Variants in RAB43 observed in about 807,000 individuals in gnomAD.
The protein encoded by RAB43 is ras-related protein Rab-43.
Under a neutral mutation model 18.8 loss-of-function variants are expected in RAB43, and 6 were observed. The ratio of observed to expected loss-of-function variants is 0.32; its 90% CI spans 0.17 to 0.63. The LOEUF is 0.63. Among genes scored for constraint, RAB43 ranks in the 30% least tolerant of loss-of-function variants. The probability of loss-of-function intolerance (pLI) is 0.79; values close to 1 mark genes in which losing one functional copy is unlikely to be tolerated. For missense variants in RAB43, 195 were observed against 289.1 expected (o/e 0.67, Z 2.36); for synonymous variants, 103 against 124.1 (o/e 0.83, Z 1.13).
intron 2 of RAB43, among the ~76,000 whole-genome samples, chr3:129,094,505 CTTTTTTTTTTTTTTTTTT>C (rs200896936): frequency 1.4e-5 from 1 of 69,102 alleles, no homozygotes; most frequent in African/African-American, 5.5e-5. Flanking sequence ...ATATAACTTT[CTTTTTTTTTTTTTTTTTT>C]TTTTTTTTTT....
chr3:129,105,234 C>T (rs1384208356), intron 1 of RAB43, among the ~76,000 whole-genome samples: 1 of 152,200 alleles, frequency 6.6e-6, no homozygotes, highest in African/African-American at 2.4e-5. Flanking sequence ...GGGCAGATTA[C>T]CTCAGGCCAG....
intron 1 of RAB43, among the ~76,000 whole-genome samples, chr3:129,098,986 T>A (rs1242205186): frequency 6.6e-6 from 1 of 151,888 alleles, no homozygotes; most frequent in Non-Finnish European, 1.5e-5. Context: ...GGCATGAGAA[T>A]CCCTTGAACC....
chr3:129,094,878 T>C (rs1933933777), intron 2 of RAB43, 108 bp downstream of exon 2: 1 of 1,431,296 alleles, frequency 7.0e-7, no homozygotes. Context: ...GCTCAAACTC[T>C]GGCTGGGACT....
intron 1 of RAB43, among the ~76,000 whole-genome samples, chr3:129,096,308 G>A (rs1166044516): frequency 6.6e-6 from 1 of 152,252 alleles, no homozygotes; most frequent in Non-Finnish European, 1.5e-5. Flanking sequence ...ACAGAAGTCT[G>A]AGAGTGAAAG....
Position 129,107,388 on chromosome 3 carries a change from A to G in RAB43, c.205-12219T>C, listed in dbSNP as rs1429675801. ...GCCTCTGGCCAACAAGTCCTGCCTC[A>G]TCTGCTTGCCAAGTGCCACCTCTTC... On this transcript the variant is annotated intron_variant, in intron 1 of 2. Transcript: ENST00000315150. This position sits in a 1 kb window ranked among gnomAD's most constrained non-coding sequence, Gnocchi z 4.2. Among the ~76,000 whole-genome samples, 1 of 151,972 alleles carries G rather than the reference A, an allele frequency of 6.6e-6. No homozygotes were observed. The highest frequency in any genetic ancestry group is 1.5e-5 in the Non-Finnish European group (1 of 67,988).
intron 1 of RAB43, among the ~76,000 whole-genome samples, chr3:129,120,169 C>T (rs577716848): frequency 6.6e-6 from 1 of 152,324 alleles, no homozygotes; most frequent in Non-Finnish European, 1.5e-5. Flanking sequence ...CACATAAAGA[C>T]TGTTGACTTA....
chr3:129,094,208 G>C (rs528674300), intron 2 of RAB43, among the ~76,000 whole-genome samples: 13 of 152,334 alleles, frequency 8.5e-5, no homozygotes, highest in African/African-American at 2.6e-4. Flanking sequence ...ACTTGAAGAA[G>C]ACTTCTGTGG....
At chr3:129,092,827 G>A (rs1933762225) in intron 2 of RAB43, among the ~76,000 whole-genome samples, 1 of 151,390 alleles carries the variant, frequency 6.6e-6, no homozygotes, top group African/African-American at 2.4e-5. Flanking sequence ...ATGGTGGCGG[G>A]CGCCTGTGGT....
chr3:129,099,572 G>A (rs1422572605), intron 1 of RAB43, among the ~76,000 whole-genome samples: 1 of 152,102 alleles, frequency 6.6e-6, no homozygotes, highest in East Asian at 1.9e-4. Context: ...TTTTGGTAGA[G>A]ACAGGGTTTC....
At chr3:129,117,226 CTTTAT>C in intron 1 of RAB43, among the ~76,000 whole-genome samples, 1 of 152,184 alleles carries the variant, frequency 6.6e-6, no homozygotes, top group East Asian at 1.9e-4. Flanking sequence ...GTCATGGAAA[CTTTAT>C]TTTAAGCATG....
At chr3:129,096,266 G>C (rs1363864912) in intron 1 of RAB43, among the ~76,000 whole-genome samples, 3 of 152,282 alleles carry the variant, frequency 2.0e-5, no homozygotes, top group African/African-American at 7.2e-5. Context: ...CCCTGGCACT[G>C]TGGAGGTGAC....
chr3:129,105,119 G>C (rs1031506985), intron 1 of RAB43, among the ~76,000 whole-genome samples: 1 of 152,146 alleles, frequency 6.6e-6, no homozygotes, highest in African/African-American at 2.4e-5. Context: ...CTGGCTATCA[G>C]AAAAGGATAT....
intron 1 of RAB43, among the ~76,000 whole-genome samples, chr3:129,110,462 A>C (rs544615996): frequency 2.0e-5 from 3 of 152,230 alleles, no homozygotes; most frequent in Non-Finnish European, 4.4e-5. Flanking sequence ...AGCAAACAGT[A>C]ACAAACAAGT....
rs1190316887 is a variant in RAB43, at chr3:129,107,291, C to T, written c.205-12122G>A. On this transcript the variant is annotated intron_variant, in intron 1 of 2. Coordinates refer to ENST00000315150, the MANE Select transcript of RAB43 (RefSeq NM_198490.3). The surrounding 1 kb of genome is among the most constrained non-coding windows in gnomAD (Gnocchi z 4.2). ...CCAAGAAATCTCACTGCCACTGGCA[C>T]CTCCTGCAGGAATCAAACCCGTTCC... Among the ~76,000 whole-genome samples, 4 of 152,338 alleles carry T rather than the reference C, an allele frequency of 2.6e-5. No individual in the cohort carries two copies. The highest frequency in any genetic ancestry group is 7.2e-5 in the African/African-American group (3 of 41,588).
At chr3:129,099,204 G>C (rs1934259931) in intron 1 of RAB43, among the ~76,000 whole-genome samples, 1 of 150,662 alleles carries the variant, frequency 6.6e-6, no homozygotes, top group Non-Finnish European at 1.5e-5. Context: ...CCATTCTCCT[G>C]CCTCAGTCTC....
At chr3:129,116,619 C>G (rs1168545286) in intron 1 of RAB43, among the ~76,000 whole-genome samples, 1 of 152,194 alleles carries the variant, frequency 6.6e-6, no homozygotes, top group African/African-American at 2.4e-5. Flanking sequence ...AAATTTGACT[C>G]CTAGGGCAAG....
At chr3:129,114,621 A>T (rs1935404353) in intron 1 of RAB43, among the ~76,000 whole-genome samples, 1 of 152,226 alleles carries the variant, frequency 6.6e-6, no homozygotes, top group Admixed American at 6.5e-5. Context: ...GCCTAGCATG[A>T]GGTCTCAGCA....
intron 2 of RAB43, among the ~76,000 whole-genome samples, chr3:129,093,590 C>T (rs1293345235): frequency 6.6e-6 from 1 of 151,070 alleles, no homozygotes; most frequent in African/African-American, 2.4e-5. Context: ...AGCCTGGCGA[C>T]AGAGCGAGAC....
chr3:129,095,954 C>G lies in RAB43; in HGVS notation c.205-785G>C, dbSNP rs1468248338. Among the ~76,000 whole-genome samples, 2 of 152,198 alleles carry G rather than the reference C, an allele frequency of 1.3e-5. No individual in the cohort carries two copies. Among genetic ancestry groups the G allele is most frequent in the Non-Finnish European group, 2.9e-5 (2 of 68,038 alleles). On this transcript the variant is annotated intron_variant, in intron 1 of 2. Transcript: ENST00000315150. The surrounding 1 kb of genome is among the most constrained non-coding windows in gnomAD (Gnocchi z 4.2). ...GTGCGGGGCCAGGAGGCTGCCCACT[C>G]TGGGCAGAGATCACCAGCCAAGGGG...
Sources: allele counts gnomAD v4.1 joint callset (sites outside exome capture counted in the v4.1 genomes callset), GRCh38; gene constraint gnomAD v4.1.1; non-coding constraint Gnocchi (gnomAD v3.1); transcripts MANE v1.5; gene names NCBI Gene and HGNC (gene_info 2026-07-23, HGNC 2026-07-21).